Variants in ZNF251 observed in about 807,000 individuals in gnomAD.
ZNF251 encodes the protein zinc finger protein 251.
A neutral mutation model predicts 13.5 loss-of-function variants in ZNF251; 14 were observed. The observed-to-expected ratio is 1.04, with a 90% CI of 0.69 to 1.63. The LOEUF is 1.63. Ranked by LOEUF, ZNF251 falls within the 40% of genes most tolerant of loss-of-function variation. ZNF251 has a pLI of 0.00. For missense variants in ZNF251, 764 were observed against 834.9 expected (o/e 0.92, Z 1.05); for synonymous variants, 287 against 295.2 (o/e 0.97, Z 0.28).
rs1215843799 is a variant in ZNF251 at position 144,734,571 on chromosome 8, G to A, written c.278-11189C>T. 1.3e-5 allele frequency among the ~76,000 whole-genome samples: 2 copies of A among 152,186 alleles called. No individual in the cohort carries two copies. Among genetic ancestry groups the A allele is most frequent in the African/African-American group, 2.4e-5 (1 of 41,454 alleles). Reference sequence around the variant, plus strand: ...AACCCTGACACCAGAAAATGACGGCGCTGGTGGGTGCTGACCCTGGGTCAG... The same window carrying A: ...AACCCTGACACCAGAAAATGACGGCACTGGTGGGTGCTGACCCTGGGTCAG... On this transcript the variant is annotated intron_variant, in intron 4 of 4. Coordinates refer to ENST00000292562, the MANE Select transcript of ZNF251 (RefSeq NM_138367.2). This position sits in a 1 kb window ranked among gnomAD's most constrained non-coding sequence, Gnocchi z 4.4.
intron 1 of ZNF251, 109 bp from the exon 2 acceptor site, chr8:144,754,912 G>C (rs1057032814): frequency 1.7e-5 from 25 of 1,440,764 alleles, no homozygotes. Context: ...CGGGAGGCAG[G>C]TCACTATGCA....
At chr8:144,755,344 C>T in intron 1 of ZNF251, 61 bp downstream of exon 1, 2 of 1,285,480 alleles carry the variant, frequency 1.6e-6, no homozygotes, top group South Asian at 1.2e-5. Context: ...CCGCGCCCTC[C>T]CCGCGCCCTC....
rs1023626727 is a variant in ZNF251 at position 144,734,853 on chromosome 8, C to T, written c.278-11471G>A. On this transcript the variant is annotated intron_variant, in intron 4 of 4. Coordinates refer to ENST00000292562, the MANE Select transcript of ZNF251 (RefSeq NM_138367.2). The surrounding 1 kb of genome is among the most constrained non-coding windows in gnomAD (Gnocchi z 4.4). The stretch of plus-strand genomic sequence containing the variant: ...CTTTGGGAGGCCGAGGTGGGTAGAT[C>T]ACCTGAGGTCAGGAGTTTGAGACCA... 3.3e-5 allele frequency among the ~76,000 whole-genome samples: 5 copies of T among 152,066 alleles called. No individual in the cohort carries two copies. The highest frequency in any genetic ancestry group is 5.9e-5 in the Non-Finnish European group (4 of 68,012).
chr8:144,754,745 G>A lies in ZNF251; in HGVS notation c.-17C>T, dbSNP rs942864194. ...GGCTGCCATTCTGTGTGCATGGGCT[G>A]CTGTGGTTTCCAAGAGAAGACAGGA... On this transcript the variant is annotated 5_prime_UTR_variant, in exon 2 of 5. Transcript: ENST00000292562. 1.2e-6 allele frequency: 2 copies of A among 1,611,626 alleles called. No homozygotes were observed. Among genetic ancestry groups the A allele is most frequent in the Non-Finnish European group, 1.7e-6 (2 of 1,178,944 alleles).
intron 4 of ZNF251, among the ~76,000 whole-genome samples, chr8:144,728,803 A>C (rs76093022): frequency 6.6e-6 from 1 of 151,474 alleles, no homozygotes; most frequent in African/African-American, 2.4e-5. Context: ...GTAAAAAAAA[A>C]TGTTCGCCAG....
chr8:144,738,243 C>CA (rs1823994049), intron 4 of ZNF251, among the ~76,000 whole-genome samples: 1 of 152,194 alleles, frequency 6.6e-6, no homozygotes. Flanking sequence ...CAGGAGGAAA[C>CA]ATGGTCCACC....
chr8:144,743,726 A>T (rs1824278110), intron 4 of ZNF251, among the ~76,000 whole-genome samples: 1 of 152,158 alleles, frequency 6.6e-6, no homozygotes, highest in African/African-American at 2.4e-5. Flanking sequence ...ACTGGGGGTT[A>T]TCAGTGGTGT....
chr8:144,754,168 C>G (rs775927592), intron 3 of ZNF251, 24 bp downstream of exon 3: 30 of 1,602,412 alleles, frequency 1.9e-5, no homozygotes, highest in African/African-American at 2.7e-5. Flanking sequence ...CACTGCGAAC[C>G]AGGCCAAGTG....
intron 4 of ZNF251, among the ~76,000 whole-genome samples, chr8:144,733,717 G>A (rs1445582275): frequency 2.6e-5 from 4 of 152,048 alleles, no homozygotes; most frequent in Non-Finnish European, 4.4e-5. Context: ...TCCTCGCGCC[G>A]ACCTCCATGT....
chr8:144,754,841 C>T, intron 1 of ZNF251, 38 bp from the exon 2 acceptor site: 4 of 1,505,938 alleles, frequency 2.7e-6, no homozygotes, highest in Non-Finnish European at 3.5e-6. Flanking sequence ...CCCATTCAAC[C>T]AGGGGTGTGG....
At position 144,722,544 on chromosome 8, in the gene ZNF251, AG is replaced by A; in HGVS notation, c.1115del (p.Thr372MetfsTer53). 6.2e-7 allele frequency: 1 copy of A among 1,614,054 alleles called. No homozygotes were observed. The highest frequency in any genetic ancestry group is 8.5e-7 in the Non-Finnish European group (1 of 1,179,988). On this transcript the variant is annotated frameshift_variant, in exon 5 of 5. Coordinates refer to ENST00000292562, the MANE Select transcript of ZNF251 (RefSeq NM_138367.2). LOFTEE classifies it low-confidence loss of function (END_TRUNC). This position sits in a 1 kb window ranked among gnomAD's most constrained non-coding sequence, Gnocchi z 4.8. ...GATTGCATTTATGGGGCTTCTCTCC[AG>A]TGTGAATTCTCTCATGCTGAATAAG... ...SSLIQHERIH[T>X]GEKPHKCNQC...
chr8:144,748,941 G>A (rs1461391810), intron 4 of ZNF251, among the ~76,000 whole-genome samples: 2 of 152,156 alleles, frequency 1.3e-5, no homozygotes, highest in African/African-American at 4.8e-5. Context: ...CAAAGCAGGA[G>A]GACTGCTTGA....
chr8:144,750,804 T>C (rs1353049177), intron 4 of ZNF251, among the ~76,000 whole-genome samples: 1 of 151,952 alleles, frequency 6.6e-6, no homozygotes, highest in Non-Finnish European at 1.5e-5. Flanking sequence ...GCTCACAAGA[T>C]GTGGTTGTGA....
chr8:144,754,856 AT>A, intron 1 of ZNF251, 53 bp from the exon 2 acceptor site: 1 of 1,485,012 alleles, frequency 6.7e-7, no homozygotes, highest in South Asian at 1.4e-5. Context: ...GTGTGGAAGG[AT>A]GGCCAGGAGG....
At chr8:144,731,731 C>T (rs1019696536) in intron 4 of ZNF251, among the ~76,000 whole-genome samples, 9 of 151,976 alleles carry the variant, frequency 5.9e-5, no homozygotes, top group South Asian at 2.1e-4. Context: ...GGATTACAGG[C>T]GTGAGCCACC....
At chr8:144,736,750 C>T (rs1373964807) in intron 4 of ZNF251, among the ~76,000 whole-genome samples, 1 of 151,970 alleles carries the variant, frequency 6.6e-6, no homozygotes, top group Non-Finnish European at 1.5e-5. Context: ...CCTTGGCCTC[C>T]CAAAGTGATG....
intron 4 of ZNF251, 182 bp downstream of exon 4, chr8:144,753,501 C>A: frequency 3.6e-6 from 2 of 550,208 alleles, no homozygotes; most frequent in South Asian, 2.6e-5. Flanking sequence ...AGAAACAGAC[C>A]AGCAAGATAA....
intron 4 of ZNF251, among the ~76,000 whole-genome samples, chr8:144,745,620 T>C (rs2130052124): frequency 6.6e-6 from 1 of 152,180 alleles, no homozygotes; most frequent in Non-Finnish European, 1.5e-5. Flanking sequence ...GATCATAACT[T>C]ACTGAAACCT....
chr8:144,737,603 C>T (rs71520589), intron 4 of ZNF251, among the ~76,000 whole-genome samples: 5 of 151,986 alleles, frequency 3.3e-5, no homozygotes, highest in South Asian at 2.1e-4. Flanking sequence ...GAGGCCAAGG[C>T]GGGTGGATCA....
Sources: allele counts gnomAD v4.1 joint callset (sites outside exome capture counted in the v4.1 genomes callset), GRCh38; gene constraint gnomAD v4.1.1; non-coding constraint Gnocchi (gnomAD v3.1); transcripts MANE v1.5; gene names NCBI Gene and HGNC (gene_info 2026-07-23, HGNC 2026-07-21).